CNTN5: variants seen among roughly 807,000 people sequenced by gnomAD.
CNTN5 encodes the protein contactin 5.
CNTN5 carries 77 observed loss-of-function variants against 129.1 expected under a neutral mutation model. The observed-to-expected ratio is 0.60, with a 90% CI of 0.50 to 0.72. The LOEUF is 0.72. Ranked by LOEUF, CNTN5 falls within the 30% of genes least tolerant of loss-of-function variation. The pLI is 0.00. For missense variants in CNTN5, 1,478 were observed against 1,328.8 expected, an observed-to-expected ratio of 1.11 and a Z score of -1.75; for synonymous variants, 509 against 465.6, an observed-to-expected ratio of 1.09 and a Z score of -1.20.
At chr11:99,669,696 G>A (rs1952956384) in intron 3 of CNTN5, among the ~76,000 whole-genome samples, 1 of 152,012 alleles carries the variant, frequency 6.6e-6, no homozygotes, top group South Asian at 2.1e-4. Context: ...TTATGATTTA[G>A]CTCTACTGGA....
At chr11:100,005,687 G>C (rs1218076862) in intron 9 of CNTN5, among the ~76,000 whole-genome samples, 1 of 152,092 alleles carries the variant, frequency 6.6e-6, no homozygotes, top group Non-Finnish European at 1.5e-5. Flanking sequence ...TCTTAAGAAG[G>C]ATTTGTTTGT....
chr11:99,598,400 C>CTTCTT (rs1950209030), intron 3 of CNTN5, among the ~76,000 whole-genome samples: 1 of 140,192 alleles, frequency 7.1e-6, no homozygotes, highest in African/African-American at 2.8e-5. Context: ...CTCCTTCCTT[C>CTTCTT]CCTCCCTCTC....
chr11:99,898,537 A>G (rs1853503077), intron 6 of CNTN5, among the ~76,000 whole-genome samples: 1 of 152,088 alleles, frequency 6.6e-6, no homozygotes, highest in Admixed American at 6.5e-5. Flanking sequence ...GCTTCTTTCA[A>G]CAAATATAAA....
chr11:99,385,545 T>G (rs1344912613), intron 2 of CNTN5, among the ~76,000 whole-genome samples: 2 of 152,190 alleles, frequency 1.3e-5, no homozygotes, highest in African/African-American at 4.8e-5. Context: ...ATGGTTAGAT[T>G]GCATAGGAAT....
At chr11:99,581,481 G>A (rs1949590526) in intron 3 of CNTN5, among the ~76,000 whole-genome samples, 1 of 148,740 alleles carries the variant, frequency 6.7e-6, no homozygotes, top group South Asian at 2.2e-4. Context: ...CTCTTTGTAG[G>A]TCACTAAGGA....
intron 18 of CNTN5, among the ~76,000 whole-genome samples, chr11:100,286,909 A>T (rs1950808280): frequency 6.6e-6 from 1 of 152,082 alleles, no homozygotes; most frequent in African/African-American, 2.4e-5. Context: ...AGAAGTGCTT[A>T]AAGGAGCTGA....
chr11:100,180,680 G>A (rs958076010), intron 13 of CNTN5, among the ~76,000 whole-genome samples: 4 of 151,898 alleles, frequency 2.6e-5, no homozygotes, highest in Non-Finnish European at 5.9e-5. Flanking sequence ...AGGTAAAAAG[G>A]ATAAAAGGTA....
Position 99,638,790 on chromosome 11 carries a change from C to G in CNTN5, c.55+82521C>G, listed in dbSNP as rs12576060. Among the ~76,000 whole-genome samples the G allele has an allele frequency of 4.9e-3, 747 of 152,218 alleles. 20 individuals are homozygous for G. In the East Asian group the frequency reaches 0.093, roughly 19 times the overall value. ...CCCATGATCTTGGCCCTGTGGCTTT[C>G]CAGGGTACAGCCTCCCTCCCAGCTG... On this transcript the variant is annotated intron_variant, in intron 3 of 24. Transcript: ENST00000524871.
intron 13 of CNTN5, among the ~76,000 whole-genome samples, chr11:100,133,636 G>GC (rs2138219417): frequency 6.6e-6 from 1 of 152,134 alleles, no homozygotes; most frequent in African/African-American, 2.4e-5. Flanking sequence ...TATAAATGTG[G>GC]CCATATGCCT....
chr11:99,921,934 A>T (rs1418910889), intron 7 of CNTN5, among the ~76,000 whole-genome samples: 1 of 152,190 alleles, frequency 6.6e-6, no homozygotes, highest in Non-Finnish European at 1.5e-5. Context: ...TGGTGCATTA[A>T]TTTTAATGTC....
chr11:100,107,841 C>T (rs1398292175), intron 13 of CNTN5, among the ~76,000 whole-genome samples: 1 of 151,802 alleles, frequency 6.6e-6, no homozygotes, highest in Non-Finnish European at 1.5e-5. Context: ...AACATATAAG[C>T]CTATATAGAT....
intron 15 of CNTN5, among the ~76,000 whole-genome samples, chr11:100,212,809 TA>T (rs1180884460): frequency 2.0e-5 from 3 of 152,112 alleles, no homozygotes; most frequent in Middle Eastern, 3.2e-3. Context: ...TGAAATGATC[TA>T]AAAAAATTTT....
intron 6 of CNTN5, among the ~76,000 whole-genome samples, chr11:99,879,072 G>A (rs1249844547): frequency 6.6e-6 from 1 of 151,850 alleles, no homozygotes; most frequent in Non-Finnish European, 1.5e-5. Context: ...CGATTAGCTG[G>A]GATTACAAGC....
chr11:99,287,747 A>C (rs1030712046), intron 1 of CNTN5, among the ~76,000 whole-genome samples: 3 of 152,026 alleles, frequency 2.0e-5, no homozygotes, highest in African/African-American at 7.2e-5. Flanking sequence ...GTATATAAGG[A>C]CATTAATACT....
At chr11:100,219,284 C>T (rs1949211815) in intron 15 of CNTN5, among the ~76,000 whole-genome samples, 1 of 152,118 alleles carries the variant, frequency 6.6e-6, no homozygotes, top group Admixed American at 6.5e-5. Context: ...CAAATGAATA[C>T]CTTTTGTAAT....
intron 7 of CNTN5, among the ~76,000 whole-genome samples, chr11:99,948,247 T>C (rs1950596733): frequency 6.6e-6 from 1 of 152,230 alleles, no homozygotes; most frequent in Non-Finnish European, 1.5e-5. Flanking sequence ...AGATGAGGAA[T>C]AGTATCCTTG....
chr11:99,457,907 G>A (rs1232223021), intron 2 of CNTN5, among the ~76,000 whole-genome samples: 1 of 151,690 alleles, frequency 6.6e-6, no homozygotes, highest in Non-Finnish European at 1.5e-5. Context: ...TTAGATTAAT[G>A]TAACGTATTT....
chr11:99,268,199 C>A (rs1862999760), intron 1 of CNTN5, among the ~76,000 whole-genome samples: 1 of 151,760 alleles, frequency 6.6e-6, no homozygotes, highest in Non-Finnish European at 1.5e-5. Context: ...TAAGACAGTT[C>A]AATAAACCCA....
intron 2 of CNTN5, among the ~76,000 whole-genome samples, chr11:99,531,737 G>A (rs1947714248): frequency 6.6e-6 from 1 of 152,224 alleles, no homozygotes; most frequent in African/African-American, 2.4e-5. Flanking sequence ...TAAGCCTTAA[G>A]CCTTCGCAGT....
Sources: gnomAD v4.1 joint callset for allele counts (sites outside exome capture counted in the v4.1 genomes callset) on GRCh38, gnomAD v4.1.1 for gene constraint, MANE v1.5 for transcripts, NCBI Gene and HGNC (gene_info 2026-07-23, HGNC 2026-07-21) for gene names.